GRIN2B: variants seen among roughly 807,000 people sequenced by gnomAD.
GRIN2B encodes the protein glutamate ionotropic receptor NMDA type subunit 2B, also known as glutamate receptor ionotropic, NMDA 2B.
Under a neutral mutation model 114.5 loss-of-function variants are expected in GRIN2B, and 5 were observed. The observed-to-expected ratio is 0.04, with a 90% CI of 0.02 to 0.09. The LOEUF (loss-of-function observed/expected upper bound fraction) is 0.09. Ranked by LOEUF, GRIN2B falls within the 10% of genes least tolerant of loss-of-function variation. The pLI is 1.00. For missense variants in GRIN2B, 1,108 were observed against 1,943.5 expected (o/e 0.57, Z 8.08); for synonymous variants, 787 against 745.1 (o/e 1.06, Z -0.92).
At chr12:13,688,974 A>G (rs1950192685) in intron 4 of GRIN2B, among the ~76,000 whole-genome samples, 1 of 152,144 alleles carries the variant, frequency 6.6e-6, no homozygotes, top group Non-Finnish European at 1.5e-5. Flanking sequence ...AGATACTACC[A>G]TGCTATGTTA....
chr12:13,680,937 A>G (rs1950125372), intron 4 of GRIN2B, among the ~76,000 whole-genome samples: 1 of 152,142 alleles, frequency 6.6e-6, no homozygotes. Context: ...GCTCAGAGCC[A>G]ATACATTTGC....
At chr12:13,748,929 T>C (rs1863434132) in intron 4 of GRIN2B, among the ~76,000 whole-genome samples, 1 of 152,264 alleles carries the variant, frequency 6.6e-6, no homozygotes, top group South Asian at 2.1e-4. Context: ...AATTATTCAT[T>C]GTTTATCTGA....
At chr12:13,925,494 GA>G (rs760466678) in intron 2 of GRIN2B, among the ~76,000 whole-genome samples, 17 of 152,058 alleles carry the variant, frequency 1.1e-4, no homozygotes, top group Non-Finnish European at 2.5e-4. Flanking sequence ...CCACCATTTT[GA>G]AAAGAAACAT....
chr12:13,582,807 G>C (rs1195444931), intron 10 of GRIN2B, among the ~76,000 whole-genome samples: 1 of 152,114 alleles, frequency 6.6e-6, no homozygotes, highest in African/African-American at 2.4e-5. Context: ...CGAAACAAAA[G>C]CTTGCAGCAA....
rs1033710838 is a variant in GRIN2B, at chr12:13,541,901, G to C, written c.*20882C>G. 5.9e-5 allele frequency: 9 copies of C among 152,306 alleles called. No individual in the cohort carries two copies. In the East Asian group the frequency reaches 1.7e-3, roughly 29 times the overall value. 9.4% of individuals were successfully genotyped at this position (152,306 alleles called of 1,614,324 possible). A position where few individuals can be genotyped will look rare whatever the true frequency, so the allele number is the denominator to read the frequency against. ...TCAGAAACAACGTGCAGTGTCTCTGGGGGCAGACTCTAGGTTGCTCTTGCT... is the reference window on the plus strand; with the variant it reads ...TCAGAAACAACGTGCAGTGTCTCTGCGGGCAGACTCTAGGTTGCTCTTGCT... On this transcript the variant is annotated 3_prime_UTR_variant, in exon 14 of 14. Transcript: ENST00000609686.
At chr12:13,904,619 A>T (rs917911322) in intron 2 of GRIN2B, among the ~76,000 whole-genome samples, 1 of 152,100 alleles carries the variant, frequency 6.6e-6, no homozygotes, top group Non-Finnish European at 1.5e-5. Flanking sequence ...TATGTTCATT[A>T]GAATATCGTT....
intron 5 of GRIN2B, among the ~76,000 whole-genome samples, chr12:13,660,663 A>G (rs890317147): frequency 3.9e-5 from 6 of 152,224 alleles, no homozygotes; most frequent in African/African-American, 1.4e-4. Context: ...AGGAAATTCC[A>G]TTCTGAGATG....
At chr12:13,633,999 C>T (rs1442828315) in intron 5 of GRIN2B, among the ~76,000 whole-genome samples, 2 of 152,120 alleles carry the variant, frequency 1.3e-5, no homozygotes, top group Admixed American at 6.6e-5. Context: ...TGTCACACTT[C>T]GTTGACCATG....
intron 3 of GRIN2B, among the ~76,000 whole-genome samples, chr12:13,828,050 A>G (rs1272029888): frequency 6.6e-6 from 1 of 151,678 alleles, no homozygotes; most frequent in Non-Finnish European, 1.5e-5. Context: ...TGTTTCTACC[A>G]TTTTTTTCTT....
intron 8 of GRIN2B, among the ~76,000 whole-genome samples, chr12:13,614,451 G>T (rs1357849716): frequency 6.6e-6 from 1 of 151,944 alleles, no homozygotes; most frequent in Non-Finnish European, 1.5e-5. Flanking sequence ...AAAAATATGG[G>T]GTATGAGCTC....
chr12:13,865,252 G>A (rs973318496), intron 3 of GRIN2B, among the ~76,000 whole-genome samples: 2 of 152,168 alleles, frequency 1.3e-5, no homozygotes, highest in African/African-American at 4.8e-5. Flanking sequence ...ATTTCAGTGA[G>A]TCCATTTACA....
chr12:13,850,841 G>C (rs1865550150), intron 3 of GRIN2B, among the ~76,000 whole-genome samples: 1 of 152,172 alleles, frequency 6.6e-6, no homozygotes, highest in African/African-American at 2.4e-5. Flanking sequence ...AAGTGTTCTA[G>C]TTTCCACACT....
intron 2 of GRIN2B, among the ~76,000 whole-genome samples, chr12:13,958,507 C>T (rs1425553835): frequency 6.6e-6 from 1 of 152,186 alleles, no homozygotes; most frequent in Non-Finnish European, 1.5e-5. Context: ...TAAACAAAAG[C>T]TGGGTGTACC....
rs546781376 is a variant in GRIN2B, at chr12:13,620,931, T to A, written c.1126-4274A>T. The stretch of plus-strand genomic sequence containing the variant: ...AAGAGGGAAAGTTAAATTCCTTGAG[T>A]ACTGAAAGGTGAAACTTTTTTGAAA... On this transcript the variant is annotated intron_variant, in intron 5 of 13. Coordinates refer to ENST00000609686, the MANE Select transcript of GRIN2B (RefSeq NM_000834.5). 9.9e-5 allele frequency among the ~76,000 whole-genome samples: 13 copies of A among 131,766 alleles called. No individual in the cohort carries two copies. In the South Asian group the frequency reaches 3.8e-3, roughly 39 times the overall value. 86.4% of individuals were successfully genotyped at this position (131,766 alleles called of 152,430 possible). A position where few individuals can be genotyped will look rare whatever the true frequency, so the allele number is the denominator to read the frequency against.
At chr12:13,934,956 C>G (rs1591630105) in intron 2 of GRIN2B, among the ~76,000 whole-genome samples, 1 of 152,178 alleles carries the variant, frequency 6.6e-6, no homozygotes, top group East Asian at 1.9e-4. Flanking sequence ...CAATCAGCAG[C>G]TTGTTGTCTT....
rs796607856 is a variant in GRIN2B, at chr12:13,547,959, G to GTGTGTATATATATA, written c.*14823_*14824insTATATATATACACA. ...TATGTATGTATGTATGTATGTGTGT[G>GTGTGTATATATATA]TATATATATATATATATATATATTT... On this transcript the variant is annotated 3_prime_UTR_variant, in exon 14 of 14. Transcript: ENST00000609686. 2.5e-4 allele frequency: 23 copies of GTGTGTATATATATA among 91,432 alleles called. 1 individual carries two copies. Among genetic ancestry groups the GTGTGTATATATATA allele is most frequent in the East Asian group, 1.5e-3 (4 of 2,718 alleles). 5.7% of individuals were successfully genotyped at this position (91,432 alleles called of 1,614,324 possible).
intron 10 of GRIN2B, among the ~76,000 whole-genome samples, chr12:13,591,898 A>G (rs1771311544): frequency 1.3e-5 from 2 of 152,220 alleles, no homozygotes; most frequent in African/African-American, 2.4e-5. Context: ...AAGAAACAAT[A>G]CTATAAGTGG....
At chr12:13,607,345 TATATAAA>T (rs1949280930) in intron 10 of GRIN2B, among the ~76,000 whole-genome samples, 4 of 44,092 alleles carry the variant, frequency 9.1e-5, no homozygotes, top group African/African-American at 3.7e-4. Context: ...TTATATATAA[TATATAAA>T]ATATATAATA....
chr12:13,779,802 C>T (rs1864073631), intron 3 of GRIN2B, among the ~76,000 whole-genome samples: 1 of 152,178 alleles, frequency 6.6e-6, no homozygotes, highest in South Asian at 2.1e-4. Flanking sequence ...TTCTTAGCTG[C>T]TCAAGCTCGG....
Sources: allele counts gnomAD v4.1 joint callset (sites outside exome capture counted in the v4.1 genomes callset), GRCh38; gene constraint gnomAD v4.1.1; transcripts MANE v1.5; gene names NCBI Gene and HGNC (gene_info 2026-07-23, HGNC 2026-07-21).